Variants in GFRA1 observed in about 807,000 individuals in gnomAD.
GFRA1 encodes the protein GDNF family receptor alpha 1, also known as GDNF family receptor alpha-1.
A neutral mutation model predicts 51.6 loss-of-function variants in GFRA1; 16 were observed. The ratio of observed to expected loss-of-function variants is 0.31; its 90% CI spans 0.21 to 0.47. The LOEUF (loss-of-function observed/expected upper bound fraction) is 0.47, where lower values mean the gene tolerates loss of function less well. Ranked by LOEUF, GFRA1 falls within the 20% of genes least tolerant of loss-of-function variation. The probability of loss-of-function intolerance (pLI) is 1.00; values close to 1 mark genes in which losing one functional copy is unlikely to be tolerated. For synonymous variants in GFRA1, 270 were observed against 241.3 expected (o/e 1.12, Z -1.10); for missense variants, 530 against 594.3 (o/e 0.89, Z 1.13).
intron 6 of GFRA1, among the ~76,000 whole-genome samples, chr10:116,121,225 A>C (rs113794914): frequency 1.3e-5 from 2 of 152,184 alleles, no homozygotes; most frequent in Non-Finnish European, 2.9e-5. Flanking sequence ...ATTCGGCCCA[A>C]ACCAGTCCTG....
At chr10:116,175,452 C>T (rs1215630550) in intron 5 of GFRA1, among the ~76,000 whole-genome samples, 1 of 152,150 alleles carries the variant, frequency 6.6e-6, no homozygotes, top group Non-Finnish European at 1.5e-5. Context: ...GGAAAAAATG[C>T]AATGTTAGAT....
intron 5 of GFRA1, among the ~76,000 whole-genome samples, chr10:116,147,043 T>A (rs9645584): frequency 0.11 from 14,826 of 129,514 alleles, 916 homozygotes; most frequent in Middle Eastern, 0.17. Flanking sequence ...TGTGTGTGTG[T>A]GAGAGAGAGA....
intron 4 of GFRA1, among the ~76,000 whole-genome samples, chr10:116,267,397 C>A (rs968785188): frequency 6.6e-6 from 1 of 151,722 alleles, no homozygotes; most frequent in African/African-American, 2.4e-5. Flanking sequence ...ACACGGGAGG[C>A]AAAGGTAGCA....
intron 5 of GFRA1, among the ~76,000 whole-genome samples, chr10:116,198,068 TAA>T (rs1481318224): frequency 6.6e-6 from 1 of 152,172 alleles, no homozygotes; most frequent in Non-Finnish European, 1.5e-5. Flanking sequence ...CTGCAAGAGC[TAA>T]AAGGGCTGAA....
At chr10:116,156,050 C>T (rs1349033672) in intron 5 of GFRA1, among the ~76,000 whole-genome samples, 1 of 152,164 alleles carries the variant, frequency 6.6e-6, no homozygotes, top group Non-Finnish European at 1.5e-5. Context: ...TTTCCATTCA[C>T]AAATGGGCCT....
chr10:116,271,842 G>A (rs1038535438), intron 2 of GFRA1, 148 bp downstream of exon 2: 3 of 729,172 alleles, frequency 4.1e-6, no homozygotes, highest in African/African-American at 1.7e-5. Context: ...CCGGGGATTC[G>A]CGATCCCATT....
At chr10:116,090,790 G>T (rs1268936440) in intron 8 of GFRA1, among the ~76,000 whole-genome samples, 1 of 152,100 alleles carries the variant, frequency 6.6e-6, no homozygotes, top group East Asian at 1.9e-4. Context: ...GGACCTGAAT[G>T]TGCAAATTGT....
At chr10:116,205,248 G>A (rs1214040623) in intron 5 of GFRA1, among the ~76,000 whole-genome samples, 1 of 152,038 alleles carries the variant, frequency 6.6e-6, no homozygotes, top group African/African-American at 2.4e-5. Flanking sequence ...GAATACAGGG[G>A]CACACAAATA....
chr10:116,227,857 T>C (rs1050958462), intron 4 of GFRA1, among the ~76,000 whole-genome samples: 2 of 152,214 alleles, frequency 1.3e-5, no homozygotes, highest in African/African-American at 4.8e-5. Context: ...GAATGGGCCA[T>C]GCAACCTGCT....
At chr10:116,153,272 A>G (rs1312031006) in intron 5 of GFRA1, among the ~76,000 whole-genome samples, 1 of 152,254 alleles carries the variant, frequency 6.6e-6, no homozygotes, top group East Asian at 1.9e-4. Context: ...TAAACAAAGA[A>G]TGAAGCATTT....
rs748875284 is a variant in GFRA1, at chr10:116,061,296, C to T, written c.*3102G>A. 1.3e-5 allele frequency: 2 copies of T among 150,434 alleles called. No individual in the cohort carries two copies. Among genetic ancestry groups the T allele is most frequent in the African/African-American group, 2.5e-5 (1 of 40,690 alleles). 9.3% of individuals were successfully genotyped at this position (150,434 alleles called of 1,614,324 possible). On this transcript the variant is annotated 3_prime_UTR_variant, in exon 11 of 11. Coordinates refer to ENST00000355422, the MANE Select transcript of GFRA1 (RefSeq NM_005264.8). ...ACCACACTCCTATCACATTCTAGAT[C>T]GTTTGCTATACTTCATGAAAAATAA...
intron 1 of GFRA1, 134 bp downstream of exon 1, chr10:116,273,029 G>A (rs1844074398): frequency 6.6e-6 from 1 of 152,130 alleles, no homozygotes; most frequent in African/African-American, 2.4e-5. Context: ...AGCGCCCCCC[G>A]GGCCCTAAAG....
At chr10:116,111,849 G>GGT (rs1957225715) in intron 6 of GFRA1, among the ~76,000 whole-genome samples, 1 of 152,192 alleles carries the variant, frequency 6.6e-6, no homozygotes, top group Non-Finnish European at 1.5e-5. Context: ...CCAGAGCAAA[G>GGT]GCGCCTCTGA....
At chr10:116,221,987 G>A (rs768041580) in intron 4 of GFRA1, among the ~76,000 whole-genome samples, 1 of 152,094 alleles carries the variant, frequency 6.6e-6, no homozygotes, top group Non-Finnish European at 1.5e-5. Context: ...CAAGAAGAGA[G>A]TAAGGAAGGG....
intron 4 of GFRA1, among the ~76,000 whole-genome samples, chr10:116,259,324 CTTT>C (rs77768306): frequency 7.0e-6 from 1 of 143,864 alleles, no homozygotes. Context: ...CTATGTATTC[CTTT>C]TTTTTTTTTT....
chr10:116,071,804 A>T (rs1011835107), intron 9 of GFRA1, among the ~76,000 whole-genome samples: 1 of 152,222 alleles, frequency 6.6e-6, no homozygotes, highest in African/African-American at 2.4e-5. Context: ...TACCAACTAA[A>T]TATCACTCCT....
At chr10:116,164,910 T>C (rs1279114762) in intron 5 of GFRA1, among the ~76,000 whole-genome samples, 2 of 152,200 alleles carry the variant, frequency 1.3e-5, no homozygotes, top group African/African-American at 4.8e-5. Flanking sequence ...TGAAACCATT[T>C]ATACGATTTT....
chr10:116,222,957 A>G (rs1229300495), intron 4 of GFRA1, among the ~76,000 whole-genome samples: 1 of 152,264 alleles, frequency 6.6e-6, no homozygotes, highest in African/African-American at 2.4e-5. Flanking sequence ...TGTATCATGT[A>G]TTATAGGTAA....
intron 9 of GFRA1, among the ~76,000 whole-genome samples, chr10:116,075,869 C>G (rs1955597413): frequency 6.6e-6 from 1 of 152,088 alleles, no homozygotes; most frequent in African/African-American, 2.4e-5. Flanking sequence ...CTCAGCCTCC[C>G]AAGTAGCTGG....
Sources: allele counts gnomAD v4.1 joint callset (sites outside exome capture counted in the v4.1 genomes callset), GRCh38; gene constraint gnomAD v4.1.1; transcripts MANE v1.5; gene names NCBI Gene and HGNC (gene_info 2026-07-23, HGNC 2026-07-21).